RASEF: variants seen among roughly 807,000 people sequenced by gnomAD.
RASEF encodes the protein ras and EF-hand domain-containing protein.
RASEF carries 68 observed loss-of-function variants against 90.1 expected under a neutral mutation model. The observed-to-expected ratio is 0.75, with a 90% CI of 0.62 to 0.92. The LOEUF is 0.92. RASEF is among the 40% of genes least tolerant of loss of function. The pLI, the probability that RASEF is intolerant of heterozygous loss-of-function variation, is 0.00. For synonymous variants in RASEF, 331 were observed against 345.2 expected (o/e 0.96, Z 0.46); for missense variants, 949 against 937.2 (o/e 1.01, Z -0.16).
At chr9:83,178,472 G>A in the RASEF span, among the ~76,000 whole-genome samples, 1 of 151,902 alleles carries the variant, frequency 6.6e-6, no homozygotes, top group African/African-American at 2.4e-5. Flanking sequence ...CCCTTTCACT[G>A]TCTCTCTTCT....
intron 3 of RASEF, 60 bp downstream of exon 3, chr9:83,022,276 C>G: frequency 7.8e-7 from 1 of 1,274,250 alleles, no homozygotes. Flanking sequence ...TGCCTGGGCC[C>G]TCTCCGTAGA....
At chr9:83,074,143 A>G in the RASEF span, among the ~76,000 whole-genome samples, 1 of 152,174 alleles carries the variant, frequency 6.6e-6, no homozygotes, top group African/African-American at 2.4e-5. Flanking sequence ...AGCTCCTTTT[A>G]TTTTGCTCAG....
At chr9:83,160,591 C>T in the RASEF span, among the ~76,000 whole-genome samples, 226 of 152,220 alleles carry the variant, frequency 1.5e-3, 2 homozygotes, top group African/African-American at 5.2e-3. Context: ...CCTGACAATG[C>T]AATGGAAAAG....
At chr9:83,185,701 C>A in the RASEF span, among the ~76,000 whole-genome samples, 1 of 152,108 alleles carries the variant, frequency 6.6e-6, no homozygotes, top group Non-Finnish European at 1.5e-5. Flanking sequence ...AGGCCAGATG[C>A]AATGCCTCTG....
chr9:83,147,815 G>A, the RASEF span, among the ~76,000 whole-genome samples: 1 of 152,086 alleles, frequency 6.6e-6, no homozygotes, highest in Non-Finnish European at 1.5e-5. Flanking sequence ...GCAGGATGGA[G>A]GGGGAGCTGG....
the RASEF span, among the ~76,000 whole-genome samples, chr9:83,101,377 G>T: frequency 5.9e-5 from 9 of 152,170 alleles, no homozygotes; most frequent in African/African-American, 2.2e-4. Context: ...TACACTCCTG[G>T]TGGTAAGCAC....
the RASEF span, among the ~76,000 whole-genome samples, chr9:83,116,250 C>A: frequency 6.6e-6 from 1 of 152,190 alleles, no homozygotes; most frequent in East Asian, 1.9e-4. Flanking sequence ...GTATACTTTG[C>A]CAGTCAGAAT....
intron 15 of RASEF, among the ~76,000 whole-genome samples, chr9:82,991,742 G>T (rs942478630): frequency 6.6e-6 from 1 of 152,210 alleles, no homozygotes; most frequent in African/African-American, 2.4e-5. Context: ...GCAGGACTGT[G>T]GAGGTCAAGA....
At chr9:82,995,095 T>C (rs989999591) in intron 14 of RASEF, among the ~76,000 whole-genome samples, 1 of 152,220 alleles carries the variant, frequency 6.6e-6, no homozygotes, top group Non-Finnish European at 1.5e-5. Flanking sequence ...ATTCATCTCT[T>C]CTATAGTTTT....
chr9:83,122,888 A>C, the RASEF span, among the ~76,000 whole-genome samples: 2 of 152,162 alleles, frequency 1.3e-5, no homozygotes, highest in African/African-American at 4.8e-5. Flanking sequence ...AGTGGCAGCT[A>C]TCTAGGTAGT....
the RASEF span, among the ~76,000 whole-genome samples, chr9:83,157,572 A>G: frequency 6.6e-6 from 1 of 152,300 alleles, no homozygotes; most frequent in Admixed American, 6.5e-5. Flanking sequence ...AGCTAAATAA[A>G]CTTCTTTCCT....
In RASEF at chr9:83,000,545, GTCTCT is replaced by G; in HGVS notation, c.1458_1462del (p.Glu486AspfsTer20). ...GGAAGCCACATCTTCTAAACCAAAT[GTCTCT>G]TCATCCCTTATGTCAGGAACCTATT... On this transcript the variant is annotated frameshift_variant, in exon 11 of 17. Coordinates refer to ENST00000376447, the MANE Select transcript of RASEF (RefSeq NM_152573.4). LOFTEE classifies it high-confidence loss of function. The G allele has an allele frequency of 6.2e-7, 1 of 1,612,490 alleles. No individual in the cohort carries two copies. Among genetic ancestry groups the G allele is most frequent in the South Asian group, 1.1e-5 (1 of 90,918 alleles).
chr9:83,062,853 C>A lies in RASEF; in HGVS notation c.15G>T (p.Gly5=), dbSNP rs1314873293. 6.5e-7 allele frequency: 1 copy of A among 1,527,980 alleles called. No individual in the cohort carries two copies. The highest frequency in any genetic ancestry group is 2.6e-5 in the East Asian group (1 of 38,110). The allele number at this position is 1,527,980 out of a possible 1,614,324, so 94.7% of individuals were successfully genotyped here. A position where few individuals can be genotyped will look rare whatever the true frequency, so the allele number is the denominator to read the frequency against. ...GCAGCCGGGCCAGCTCCTCTCCGTCCCCATCCGCCTCCATCCCGCCTGGCG... is the reference window on the plus strand; with the variant it reads ...GCAGCCGGGCCAGCTCCTCTCCGTCACCATCCGCCTCCATCCCGCCTGGCG... MEAD[G]DGEELARLRS... Residue 5 remains glycine (G), a synonymous_variant, in exon 1 of 17, where the codon GGG becomes GGT. Transcript: ENST00000376447.
chr9:83,113,117 C>T, the RASEF span, among the ~76,000 whole-genome samples: 4 of 152,070 alleles, frequency 2.6e-5, no homozygotes, highest in Non-Finnish European at 4.4e-5. Flanking sequence ...ACGGAGGGAC[C>T]GACTGGAGCC....
At chr9:83,073,663 A>G in the RASEF span, among the ~76,000 whole-genome samples, 1 of 152,234 alleles carries the variant, frequency 6.6e-6, no homozygotes, top group Non-Finnish European at 1.5e-5. Flanking sequence ...TGTAGTGTAC[A>G]TATAAAGCCA....
intron 1 of RASEF, chr9:83,048,573 T>C: frequency 1.0e-6 from 1 of 984,350 alleles, no homozygotes; most frequent in Non-Finnish European, 1.2e-6. Context: ...AGTAAATGAA[T>C]GAATGAATGA....
chr9:83,025,039 G>T (rs752359799), intron 2 of RASEF, among the ~76,000 whole-genome samples: 7 of 152,190 alleles, frequency 4.6e-5, no homozygotes, highest in Non-Finnish European at 1.0e-4. Context: ...CATGCTAAAG[G>T]AATGCAGTTT....
chr9:83,072,360 C>T, the RASEF span, among the ~76,000 whole-genome samples: 233 of 152,298 alleles, frequency 1.5e-3, 1 homozygote, highest in African/African-American at 5.4e-3. Flanking sequence ...GTATCCTTTC[C>T]CCACTTTGCC....
the RASEF span, among the ~76,000 whole-genome samples, chr9:83,197,961 G>T: frequency 5.4e-3 from 820 of 152,306 alleles, 6 homozygotes; most frequent in African/African-American, 0.019. Context: ...TGGTAGCACG[G>T]CTTTGCACTT....
Sources: allele counts gnomAD v4.1 joint callset (sites outside exome capture counted in the v4.1 genomes callset), GRCh38; gene constraint gnomAD v4.1.1; transcripts MANE v1.5; gene names NCBI Gene and HGNC (gene_info 2026-07-23, HGNC 2026-07-21).